Variants in GSPT1 observed in about 807,000 individuals in gnomAD.
GSPT1 encodes the protein G1 to S phase transition 1.
A neutral mutation model predicts 72.5 loss-of-function variants in GSPT1; 20 were observed. That is an observed-to-expected ratio of 0.28 (90% CI 0.19 to 0.40). GSPT1 has a LOEUF of 0.40. GSPT1 is among the 10% of genes least tolerant of loss of function. The probability of loss-of-function intolerance (pLI) is 1.00; values close to 1 mark genes in which losing one functional copy is unlikely to be tolerated. For synonymous variants in GSPT1, 334 were observed against 293.5 expected (o/e 1.14, Z -1.41); for missense variants, 580 against 811.9 (o/e 0.71, Z 3.47).
chr16:11,883,188 T>G, intron 10 of GSPT1, 93 bp from the exon 11 acceptor site: 1 of 741,426 alleles, frequency 1.3e-6, no homozygotes, highest in Non-Finnish European at 2.4e-6. Context: ...TGCTTATTCA[T>G]AAAGGAAAAT....
At chr16:11,875,067 T>C (rs1320180174) in intron 14 of GSPT1, among the ~76,000 whole-genome samples, 1 of 152,086 alleles carries the variant, frequency 6.6e-6, no homozygotes, top group Non-Finnish European at 1.5e-5. Flanking sequence ...GCAGCACCTA[T>C]AGTCCCAGCT....
At chr16:11,894,298 A>G (rs1384708629) in intron 5 of GSPT1, among the ~76,000 whole-genome samples, 1 of 150,908 alleles carries the variant, frequency 6.6e-6, no homozygotes, top group Non-Finnish European at 1.5e-5. Context: ...AGGACTTTTT[A>G]GTTATCAAGA....
At chr16:11,892,524 A>AAAAAAAAATAAAT (rs1567443285) in intron 5 of GSPT1, among the ~76,000 whole-genome samples, 1 of 126,646 alleles carries the variant, frequency 7.9e-6, no homozygotes, top group African/African-American at 3.7e-5. Flanking sequence ...CAAAAAAAAC[A>AAAAAAAAATAAAT]AAAAAAACAA....
intron 8 of GSPT1, 24 bp downstream of exon 8, chr16:11,886,753 A>G (rs1192171774): frequency 6.2e-7 from 1 of 1,604,740 alleles, no homozygotes; most frequent in Non-Finnish European, 8.5e-7. Flanking sequence ...CCACTAACAT[A>G]AAATACCAGA....
At chr16:11,876,280 T>C in intron 12 of GSPT1, 105 bp from the exon 13 acceptor site, 2 of 756,454 alleles carry the variant, frequency 2.6e-6, no homozygotes, top group South Asian at 1.5e-5. Flanking sequence ...ACCATCTCAC[T>C]AGGACATCAA....
intron 1 of GSPT1, chr16:11,914,986 C>G (rs1002603205): frequency 7.8e-7 from 1 of 1,287,366 alleles, no homozygotes; most frequent in African/African-American, 1.5e-5. Context: ...TCTAAACGCC[C>G]ACCCAAATGA....
rs184130992 is a variant in GSPT1 at position 11,877,594 on chromosome 16, C to T, written c.1429-14G>A. 4 of 1,555,920 alleles carry T rather than the reference C, an allele frequency of 2.6e-6. No individual in the cohort carries two copies. Among genetic ancestry groups the T allele is most frequent in the Non-Finnish European group, 3.5e-6 (4 of 1,148,562 alleles). ...TTCCACGTTGTGCTTTAAAAGAAAA[C>T]AAGACTGGAGGTTTTCTGACACATT... On this transcript the variant is annotated splice_polypyrimidine_tract_variant and intron_variant, in intron 11 of 14. Transcript: ENST00000434724. The surrounding 1 kb of genome is among the most constrained non-coding windows in gnomAD (Gnocchi z 4.0).
In GSPT1 at chr16:11,868,367, T is replaced by C. The variant is rs1174944679; in HGVS notation, c.*4752A>G. The C allele has an allele frequency of 1.3e-5, 2 of 151,486 alleles. No individual in the cohort carries two copies. The highest frequency in any genetic ancestry group is 2.9e-5 in the Non-Finnish European group (2 of 67,884). 9.4% of individuals were successfully genotyped at this position (151,486 alleles called of 1,614,324 possible). ...CAGTTCCCTTTAATCCTGTTTTTTT[T>C]TTTTTTTTTTAAATGAGATCTAGGT... On this transcript the variant is annotated 3_prime_UTR_variant, in exon 15 of 15. Coordinates refer to ENST00000434724, the MANE Select transcript of GSPT1 (RefSeq NM_002094.4).
chr16:11,885,604 A>G (rs1022318650), intron 9 of GSPT1, among the ~76,000 whole-genome samples: 12 of 152,176 alleles, frequency 7.9e-5, no homozygotes, highest in Non-Finnish European at 1.3e-4. Context: ...TTAAACATAC[A>G]GTATTGGCTG....
chr16:11,915,857 G>A lies in GSPT1; in HGVS notation c.-137C>T, dbSNP rs779125082. 3.7e-6 allele frequency: 5 copies of A among 1,369,714 alleles called. No individual in the cohort carries two copies. The highest frequency in any genetic ancestry group is 1.2e-5 in the South Asian group (1 of 86,410). The allele number at this position is 1,369,714 out of a possible 1,614,324, so 84.8% of individuals were successfully genotyped here. A position where few individuals can be genotyped will look rare whatever the true frequency, so the allele number is the denominator to read the frequency against. ...CCGGGAGCTAGCGACAAAGATCCCCGGCGTCGCCGCGGCAGCAGCTCCAGT... is the reference window on the plus strand; with the variant it reads ...CCGGGAGCTAGCGACAAAGATCCCCAGCGTCGCCGCGGCAGCAGCTCCAGT... On this transcript the variant is annotated 5_prime_UTR_variant, in exon 1 of 15. Transcript: ENST00000434724.
chr16:11,886,941 AG>A lies in GSPT1; in HGVS notation c.958-11del. ...TCCTGGCTGAGATTACCTAATTCCA[AG>A]AAAGGAAACAGTTTACTCCTTCGCC... On this transcript the variant is annotated splice_polypyrimidine_tract_variant and intron_variant, in intron 7 of 14. Coordinates refer to ENST00000434724, the MANE Select transcript of GSPT1 (RefSeq NM_002094.4). 1 of 1,612,688 alleles carries A rather than the reference AG, an allele frequency of 6.2e-7. No individual in the cohort carries two copies. Among genetic ancestry groups the A allele is most frequent in the South Asian group, 1.1e-5 (1 of 91,014 alleles).
At chr16:11,880,304 C>T (rs2054105774) in intron 11 of GSPT1, 2 of 152,120 alleles carry the variant, frequency 1.3e-5, no homozygotes, top group African/African-American at 4.8e-5. Flanking sequence ...CATGTTTATA[C>T]AGATATCTGA....
At position 11,896,654 on chromosome 16, in the gene GSPT1, C is replaced by T. The variant is rs1436914311; in HGVS notation, c.568G>A (p.Glu190Lys). The change falls in exon 4 of 15, where the codon GAG becomes AAG. Residue 190 changes from glutamate (E) to lysine (K), a missense_variant. By Grantham distance (56) the Glu-to-Lys change is moderately conservative. Coordinates refer to ENST00000434724, the MANE Select transcript of GSPT1 (RefSeq NM_002094.4). Reference protein sequence around the residue: ...PPEESAHEMMEEEEEIPKPKS... With the variant: ...PPEESAHEMMKEEEEIPKPKS... ...GGTTTTGGGATTTCCTCTTCCTCCT[C>T]CATCATTTCATGGGCACTTTCCTCT... 6.2e-7 allele frequency: 1 copy of T among 1,609,752 alleles called. No homozygotes were observed. The highest frequency in any genetic ancestry group is 8.5e-7 in the Non-Finnish European group (1 of 1,177,882).
intron 1 of GSPT1, among the ~76,000 whole-genome samples, chr16:11,913,472 T>A (rs2054586221): frequency 6.6e-6 from 1 of 152,190 alleles, no homozygotes; most frequent in Non-Finnish European, 1.5e-5. Context: ...AGAAAAAGAT[T>A]AGGTGTAACT....
chr16:11,888,537 G>C, intron 6 of GSPT1, among the ~76,000 whole-genome samples: 1 of 151,396 alleles, frequency 6.6e-6, no homozygotes, highest in East Asian at 1.9e-4. Context: ...CAAGGCAGGC[G>C]GATCACCTGA....
intron 1 of GSPT1, among the ~76,000 whole-genome samples, chr16:11,914,316 CATT>C: frequency 6.6e-6 from 1 of 152,140 alleles, no homozygotes; most frequent in Non-Finnish European, 1.5e-5. Flanking sequence ...AAATAAGCAC[CATT>C]ATGAGAATAC....
At chr16:11,889,053 A>C (rs2054220496) in intron 6 of GSPT1, among the ~76,000 whole-genome samples, 1 of 152,166 alleles carries the variant, frequency 6.6e-6, no homozygotes, top group Non-Finnish European at 1.5e-5. Context: ...TCACGCCTGT[A>C]ATTTCAGCAT....
chr16:11,886,706 G>C, intron 8 of GSPT1, 71 bp downstream of exon 8: 1 of 1,554,922 alleles, frequency 6.4e-7, no homozygotes, highest in South Asian at 1.1e-5. Flanking sequence ...AAAAACCCTA[G>C]AGAAAAAGTC....
chr16:11,907,503 A>C (rs1276436883), intron 1 of GSPT1, among the ~76,000 whole-genome samples: 1 of 152,222 alleles, frequency 6.6e-6, no homozygotes, highest in Non-Finnish European at 1.5e-5. Context: ...TCAAAGCCCC[A>C]AAATAATTTC....
Sources: gnomAD v4.1 joint callset for allele counts (sites outside exome capture counted in the v4.1 genomes callset) on GRCh38, gnomAD v4.1.1 for gene constraint, Gnocchi (gnomAD v3.1) non-coding constraint, MANE v1.5 for transcripts, NCBI Gene and HGNC (gene_info 2026-07-23, HGNC 2026-07-21) for gene names.